The following NRXN1 variants were observed in gnomAD, a reference collection of about 807,000 sequenced individuals.
NRXN1 encodes the protein neurexin 1, also known as neurexin-1.
A neutral mutation model predicts 150.9 loss-of-function variants in NRXN1; 39 were observed. The ratio of observed to expected loss-of-function variants is 0.26; its 90% CI spans 0.20 to 0.34. The LOEUF is 0.34. NRXN1 is among the 10% of genes least tolerant of loss of function. The probability of loss-of-function intolerance (pLI) is 1.00; values close to 1 mark genes in which losing one functional copy is unlikely to be tolerated. For missense variants in NRXN1, 1,815 were observed against 1,949.9 expected, an observed-to-expected ratio of 0.93 and a Z score of 1.30; for synonymous variants, 924 against 757.0, an observed-to-expected ratio of 1.22 and a Z score of -3.62.
intron 18 of NRXN1, among the ~76,000 whole-genome samples, chr2:50,195,817 A>C (rs2061722293): frequency 6.6e-6 from 1 of 152,110 alleles, no homozygotes; most frequent in Non-Finnish European, 1.5e-5. Context: ...TAATAATATT[A>C]ATGATTTTAA....
rs138844263 is a variant in NRXN1, at chr2:50,346,697, C to G, written c.3365-109727G>C. ...CTTGGCATCGCAGACCCACCGTGTC[C>G]GCCTCGCAAGGATGCCGGTGACCTG... On this transcript the variant is annotated intron_variant, in intron 17 of 22. Transcript: ENST00000401669. The surrounding 1 kb of genome is among the most constrained non-coding windows in gnomAD (Gnocchi z 5.0). The G allele has an allele frequency of 1.2e-6, 2 of 1,613,288 alleles. No individual in the cohort carries two copies. The highest frequency in any genetic ancestry group is 1.7e-6 in the Non-Finnish European group (2 of 1,179,556).
chr2:50,740,927 A>G (rs1699349193), intron 5 of NRXN1, among the ~76,000 whole-genome samples: 1 of 152,170 alleles, frequency 6.6e-6, no homozygotes, highest in Non-Finnish European at 1.5e-5. Flanking sequence ...TTTTAGTTGA[A>G]TTACTAACAA....
chr2:50,138,121 T>G (rs1706691782), intron 18 of NRXN1, among the ~76,000 whole-genome samples: 1 of 152,236 alleles, frequency 6.6e-6, no homozygotes, highest in South Asian at 2.1e-4. Flanking sequence ...TCCTGCAAAT[T>G]GAAGCTAATT....
chr2:50,114,740 C>A (rs1000426896), intron 18 of NRXN1, among the ~76,000 whole-genome samples: 1 of 152,016 alleles, frequency 6.6e-6, no homozygotes, highest in African/African-American at 2.4e-5. Flanking sequence ...TATTATTATA[C>A]TAAGCTAAAG....
chr2:50,581,583 T>A (rs2103656724), intron 8 of NRXN1, among the ~76,000 whole-genome samples: 1 of 152,312 alleles, frequency 6.6e-6, no homozygotes, highest in Non-Finnish European at 1.5e-5. Flanking sequence ...TGTGATAATT[T>A]TTATTAGGTG....
intron 21 of NRXN1, among the ~76,000 whole-genome samples, chr2:50,016,704 C>T (rs1686684530): frequency 6.6e-6 from 1 of 152,158 alleles, no homozygotes; most frequent in Non-Finnish European, 1.5e-5. Context: ...ATTCAATTAC[C>T]TCCACCTGGT....
intron 2 of NRXN1, among the ~76,000 whole-genome samples, chr2:50,933,981 G>A (rs1688154197): frequency 6.6e-6 from 1 of 152,032 alleles, no homozygotes; most frequent in East Asian, 1.9e-4. Context: ...CGGCAAGTCT[G>A]CATTTCTACC....
intron 12 of NRXN1, among the ~76,000 whole-genome samples, chr2:50,525,263 G>A (rs1258962548): frequency 6.6e-6 from 1 of 152,168 alleles, no homozygotes; most frequent in Non-Finnish European, 1.5e-5. Context: ...TTTAGTTTTT[G>A]TTAGTACAGA....
intron 8 of NRXN1, among the ~76,000 whole-genome samples, chr2:50,582,386 T>C (rs553165444): frequency 1.5e-5 from 2 of 134,460 alleles, no homozygotes; most frequent in South Asian, 2.3e-4. Context: ...CAGGCTGATG[T>C]GGGAGGTTCG....
At chr2:50,475,059 T>A (rs940642423) in intron 15 of NRXN1, among the ~76,000 whole-genome samples, 19 of 151,982 alleles carry the variant, frequency 1.3e-4, no homozygotes, top group African/African-American at 4.6e-4. Context: ...ACATGACAAA[T>A]AGCAATGAAA....
chr2:50,498,417 G>A (rs1169771559), intron 13 of NRXN1, among the ~76,000 whole-genome samples: 2 of 152,104 alleles, frequency 1.3e-5, no homozygotes, highest in East Asian at 3.9e-4. Context: ...ACTAAATCAA[G>A]CAAAATACAC....
intron 19 of NRXN1, among the ~76,000 whole-genome samples, chr2:50,083,977 G>T (rs539199031): frequency 1.3e-5 from 2 of 152,226 alleles, no homozygotes; most frequent in South Asian, 2.1e-4. Context: ...ATAGAGTGCC[G>T]ATTGGTGTAT....
intron 18 of NRXN1, among the ~76,000 whole-genome samples, chr2:50,220,684 G>T (rs1439181908): frequency 1.3e-5 from 2 of 151,930 alleles, no homozygotes; most frequent in East Asian, 3.9e-4. Flanking sequence ...GTCTTTTTGT[G>T]AATACCAAAA....
intron 22 of NRXN1, among the ~76,000 whole-genome samples, chr2:49,933,080 T>A (rs1670410838): frequency 6.6e-6 from 1 of 152,008 alleles, no homozygotes. Context: ...TTTTTGTTTG[T>A]TTATTTTTGT....
intron 5 of NRXN1, among the ~76,000 whole-genome samples, chr2:50,818,887 T>C (rs1381260887): frequency 6.6e-6 from 1 of 151,852 alleles, no homozygotes; most frequent in Non-Finnish European, 1.5e-5. Flanking sequence ...GAAATACAAA[T>C]GGCCAACAAG....
chr2:50,291,581 A>G (rs1029487050), intron 17 of NRXN1, among the ~76,000 whole-genome samples: 1 of 152,154 alleles, frequency 6.6e-6, no homozygotes, highest in Admixed American at 6.5e-5. Flanking sequence ...ATCACAAGGG[A>G]ATTTCCCCAA....
rs575986683 is a variant in NRXN1, at chr2:50,411,556, G to T, written c.3364+53886C>A. Among the ~76,000 whole-genome samples, 601 of 152,056 alleles carry T rather than the reference G, an allele frequency of 4.0e-3. 3 individuals are homozygous for T. Among genetic ancestry groups the T allele is most frequent in the Non-Finnish European group, 7.2e-3 (488 of 67,978 alleles). The stretch of plus-strand genomic sequence containing the variant: ...GAGATGTGAAGAGCGCCTCTGCCCG[G>T]CTGCGACCCCGTCTGGGAACTGAGG... On this transcript the variant is annotated intron_variant, in intron 17 of 22. Coordinates refer to ENST00000401669, the MANE Select transcript of NRXN1 (RefSeq NM_001330078.2).
intron 18 of NRXN1, among the ~76,000 whole-genome samples, chr2:50,190,691 C>T (rs1214454986): frequency 6.8e-6 from 1 of 146,576 alleles, no homozygotes; most frequent in African/African-American, 2.5e-5. Flanking sequence ...TGGCTCATGG[C>T]AACCTCCACC....
chr2:49,964,035 G>A (rs1386464248), intron 21 of NRXN1, among the ~76,000 whole-genome samples: 1 of 152,174 alleles, frequency 6.6e-6, no homozygotes, highest in Non-Finnish European at 1.5e-5. Context: ...TAGTCCCACA[G>A]AGGCACAATG....
Sources: gnomAD v4.1 joint callset for allele counts (sites outside exome capture counted in the v4.1 genomes callset) on GRCh38, gnomAD v4.1.1 for gene constraint, Gnocchi (gnomAD v3.1) non-coding constraint, MANE v1.5 for transcripts, NCBI Gene and HGNC (gene_info 2026-07-23, HGNC 2026-07-21) for gene names.